RDX: variants seen among roughly 807,000 people sequenced by gnomAD.
RDX encodes radixin.
RDX carries 32 observed loss-of-function variants against 83.7 expected under a neutral mutation model. That is an observed-to-expected ratio of 0.38 (90% CI 0.29 to 0.51). The LOEUF (loss-of-function observed/expected upper bound fraction) is 0.51, where lower values mean the gene tolerates loss of function less well. RDX is among the 20% of genes least tolerant of loss of function. The pLI, the probability that RDX is intolerant of heterozygous loss-of-function variation, is 0.87. For synonymous variants in RDX, 229 were observed against 222.7 expected, an observed-to-expected ratio of 1.03 and a Z score of -0.25; for missense variants, 600 against 689.9, an observed-to-expected ratio of 0.87 and a Z score of 1.46.
chr11:110,259,034 C>T lies in RDX; in HGVS notation c.468-845G>A, dbSNP rs539900260. Among the ~76,000 whole-genome samples, 9 of 152,164 alleles carry T rather than the reference C, an allele frequency of 5.9e-5. No homozygotes were observed. In the East Asian group the frequency reaches 9.7e-4, roughly 16 times the overall value. ...TTATAGGTGTGTGCCACGATGCTCT[C>T]GGCCTCCCGCGTAGCTGGGATTACA... On this transcript the variant is annotated intron_variant, in intron 5 of 13. Transcript: ENST00000645495.
In RDX at chr11:110,258,193, AG is replaced by A. The variant is rs1392929628; in HGVS notation, c.468-5del. 1 of 1,575,604 alleles carries A rather than the reference AG, an allele frequency of 6.3e-7. No homozygotes were observed. The highest frequency in any genetic ancestry group is 8.7e-7 in the Non-Finnish European group (1 of 1,155,476). On this transcript the variant is annotated splice_polypyrimidine_tract_variant and splice_region_variant and intron_variant, in intron 5 of 13. Transcript: ENST00000645495. The stretch of plus-strand genomic sequence containing the variant: ...TAGTTTGTGTTGTTCCAATACACTA[AG>A]AGGACCAAAAAAAAAAAAAAATTAT...
chr11:110,208,770 A>G (rs1394998397), intron 14 of RDX, among the ~76,000 whole-genome samples: 1 of 152,186 alleles, frequency 6.6e-6, no homozygotes, highest in Non-Finnish European at 1.5e-5. Flanking sequence ...CACCCTGGCC[A>G]ACATGATGAA....
At position 110,264,816 on chromosome 11, in the gene RDX, C is replaced by A. The variant is rs191491207; in HGVS notation, c.155G>T (p.Ser52Ile). The A allele has an allele frequency of 6.2e-7, 1 of 1,613,684 alleles. No homozygotes were observed. The highest frequency in any genetic ancestry group is 1.3e-5 in the African/African-American group (1 of 75,002). The change falls in exon 4 of 14, where the codon AGC becomes ATC. Residue 52 changes from serine (S) to isoleucine (I), a missense_variant. Transcript: ENST00000645495. Reference protein sequence around the residue: ...VWFFGLQYVDSKGYSTWLKLN... With the variant: ...VWFFGLQYVDIKGYSTWLKLN... ...TTTAAGCCATGTAGAATAACCTTTGCTGTCTACATACTGCAGCCCAAAAAA... is the reference window on the plus strand; with the variant it reads ...TTTAAGCCATGTAGAATAACCTTTGATGTCTACATACTGCAGCCCAAAAAA...
chr11:110,265,681 C>T (rs1250779318), intron 3 of RDX, among the ~76,000 whole-genome samples: 3 of 152,026 alleles, frequency 2.0e-5, no homozygotes, highest in Non-Finnish European at 2.9e-5. Flanking sequence ...CCATAAATTC[C>T]ACCCTTCTAC....
chr11:110,288,720 T>C (rs868171637), intron 1 of RDX, among the ~76,000 whole-genome samples: 28 of 152,348 alleles, frequency 1.8e-4, no homozygotes, highest in African/African-American at 6.5e-4. Flanking sequence ...TTCTAGATAT[T>C]AACTCCCTTT....
At chr11:110,263,483 G>A (rs1859883462) in intron 5 of RDX, 1 of 153,854 alleles carries the variant, frequency 6.5e-6, no homozygotes, top group African/African-American at 2.4e-5. Flanking sequence ...GGTAATTACA[G>A]AGCATATAAA....
chr11:110,239,034 T>C (rs912616199), intron 10 of RDX, among the ~76,000 whole-genome samples: 9 of 151,846 alleles, frequency 5.9e-5, no homozygotes, highest in African/African-American at 2.2e-4. Context: ...ATCCCAGCAC[T>C]TTCGAAGGGA....
At chr11:110,178,330 G>T (rs1862817724) in intron 15 of RDX, among the ~76,000 whole-genome samples, 1 of 99,410 alleles carries the variant, frequency 1.0e-5, no homozygotes. Flanking sequence ...AATCAGGGGT[G>T]CAAAAACAGT....
chr11:110,224,641 T>G (rs1397789398), downstream of RDX, among the ~76,000 whole-genome samples: 1 of 152,212 alleles, frequency 6.6e-6, no homozygotes, highest in Non-Finnish European at 1.5e-5. Context: ...CAAAAAGTCA[T>G]GGATAAAAGA....
rs60423853 is a variant in RDX at position 110,269,854 on chromosome 11, A to G, written c.96+2682T>C. Among the ~76,000 whole-genome samples the G allele has an allele frequency of 6.4e-3, 972 of 152,184 alleles. 13 individuals are homozygous for G. The highest frequency in any genetic ancestry group is 0.023 in the African/African-American group (938 of 41,518). ...GAAGTTCAAGACCAGCCTGGGAAAC[A>G]TGACGAAACCCCATCTCTACCAAAA... On this transcript the variant is annotated intron_variant, in intron 3 of 13. Coordinates refer to ENST00000645495, the MANE Select transcript of RDX (RefSeq NM_002906.4).
At chr11:110,277,378 G>A (rs140640211) in intron 2 of RDX, among the ~76,000 whole-genome samples, 2 of 152,196 alleles carry the variant, frequency 1.3e-5, no homozygotes, top group African/African-American at 4.8e-5. Flanking sequence ...GAAGTGCAGT[G>A]GTGCGATCTT....
At chr11:110,242,219 T>C (rs1004344282) in intron 10 of RDX, among the ~76,000 whole-genome samples, 6 of 152,022 alleles carry the variant, frequency 3.9e-5, no homozygotes, top group Non-Finnish European at 8.8e-5. Context: ...TTGGGAAGCC[T>C]AGGCGGGCGG....
intron 14 of RDX, among the ~76,000 whole-genome samples, chr11:110,214,755 A>G (rs1437261016): frequency 1.1e-5 from 1 of 87,686 alleles, no homozygotes; most frequent in African/African-American, 4.0e-5. Flanking sequence ...AAAACCAAAC[A>G]CCACATATTC....
At chr11:110,276,949 G>C (rs1860541366) in intron 2 of RDX, among the ~76,000 whole-genome samples, 4 of 152,172 alleles carry the variant, frequency 2.6e-5, no homozygotes, top group Admixed American at 2.6e-4. Flanking sequence ...ATGTTTTAGA[G>C]GTGATGCCAT....
At position 110,214,783 on chromosome 11, in the gene RDX, T is replaced by C. The variant is rs1452341153; in HGVS notation, c.1749-15105A>G. On this transcript the variant is annotated intron_variant, in intron 14 of 15. Transcript: ENST00000528498. ...ACATATTCTCACTCATAGGTGGGAA[T>C]TGAACAATGAGATCACATGGACACA... 2.8e-4 allele frequency among the ~76,000 whole-genome samples: 28 copies of C among 99,008 alleles called. 1 individual carries two copies. Among genetic ancestry groups the C allele is most frequent in the African/African-American group, 9.1e-4 (24 of 26,264 alleles). 65.0% of individuals were successfully genotyped at this position (99,008 alleles called of 152,430 possible).
chr11:110,255,442 T>C (rs1859504147), intron 7 of RDX, 57 bp from the exon 8 acceptor site: 1 of 923,702 alleles, frequency 1.1e-6, no homozygotes, highest in Non-Finnish European at 1.8e-6. Flanking sequence ...ATAAAATTCC[T>C]GTTTAGGACC....
At chr11:110,210,598 G>T (rs1365427234) in intron 14 of RDX, among the ~76,000 whole-genome samples, 1 of 144,830 alleles carries the variant, frequency 6.9e-6, no homozygotes, top group Non-Finnish European at 1.5e-5. Flanking sequence ...AGAAAGGTCG[G>T]GTTACCCTCA....
chr11:110,243,564 A>T (rs564036705), intron 10 of RDX, among the ~76,000 whole-genome samples: 1 of 152,166 alleles, frequency 6.6e-6, no homozygotes, highest in Non-Finnish European at 1.5e-5. Context: ...CTAAAAATAT[A>T]AAAATTAGCC....
At chr11:110,185,743 C>T (rs1306998687) in intron 15 of RDX, 3 of 152,300 alleles carry the variant, frequency 2.0e-5, no homozygotes, top group South Asian at 2.1e-4. Context: ...CTTTCTAATA[C>T]TGAACCCCAG....
Sources: gnomAD v4.1 joint callset for allele counts (sites outside exome capture counted in the v4.1 genomes callset) on GRCh38, gnomAD v4.1.1 for gene constraint, MANE v1.5 for transcripts, NCBI Gene and HGNC (gene_info 2026-07-23, HGNC 2026-07-21) for gene names.